Variants in CPT1C observed in about 807,000 individuals in gnomAD.
CPT1C encodes the protein palmitoyl thioesterase CPT1C.
In CPT1C, 61 loss-of-function variants were observed where a neutral mutation model predicts 97.3. The observed-to-expected ratio is 0.63, with a 90% confidence interval of 0.51 to 0.78. CPT1C has a LOEUF of 0.78. CPT1C is among the 30% of genes least tolerant of loss of function. CPT1C has a pLI of 0.00. For missense variants in CPT1C, 975 were observed against 1,065.5 expected, an observed-to-expected ratio of 0.92 and a Z score of 1.18; for synonymous variants, 469 against 447.2, an observed-to-expected ratio of 1.05 and a Z score of -0.61.
rs1414936264 is a variant in CPT1C at position 49,700,952 on chromosome 19, C to T, written c.453+97C>T. 3.0e-6 allele frequency: 4 copies of T among 1,332,414 alleles called. No homozygotes were observed. The Admixed American group carries it at 7.1e-5, about 24-fold the overall frequency. 82.5% of individuals were successfully genotyped at this position (1,332,414 alleles called of 1,614,324 possible). ...TGTCCCCCTCTCTCTGGGTCTCTGT[C>T]CCTCTCTCTCTGGGTCTCTTCCCCC... On this transcript the variant is annotated intron_variant, in intron 5 of 19. Coordinates refer to ENST00000598293, the MANE Select transcript of CPT1C (RefSeq NM_001199753.2).
intron 3 of CPT1C, chr19:49,696,636 CT>C (rs113941003): frequency 0.36 from 49,717 of 136,522 alleles, 10,836 homozygotes; most frequent in African/African-American, 0.65. Flanking sequence ...TTTTTTCTTT[CT>C]TTTTTTTTTT....
intron 3 of CPT1C, among the ~76,000 whole-genome samples, chr19:49,693,541 ATTG>A (rs2082469280): frequency 6.6e-6 from 1 of 152,104 alleles, no homozygotes; most frequent in African/African-American, 2.4e-5. Flanking sequence ...AGCTTCTGAT[ATTG>A]TTCTTCATTC....
chr19:49,712,673 G>C, intron 17 of CPT1C, 63 bp from the exon 18 acceptor site: 1 of 1,245,254 alleles, frequency 8.0e-7, no homozygotes, highest in Non-Finnish European at 1.2e-6. Context: ...AGGGAGTGAA[G>C]TGGAGCCAAG....
intron 3 of CPT1C, among the ~76,000 whole-genome samples, chr19:49,695,120 A>G (rs1345390210): frequency 3.3e-5 from 5 of 151,900 alleles, no homozygotes. Context: ...CAGCCTGGGC[A>G]ACAAAGCGAG....
chr19:49,710,319 G>C lies in CPT1C; in HGVS notation c.1567-1G>C. 6.2e-7 allele frequency: 1 copy of C among 1,613,672 alleles called. No homozygotes were observed. Among genetic ancestry groups the C allele is most frequent in the Non-Finnish European group, 8.5e-7 (1 of 1,179,674 alleles). On this transcript the variant is annotated splice_acceptor_variant, in intron 14 of 19. Transcript: ENST00000598293. LOFTEE classifies it high-confidence loss of function. ...ACTCCTCTTCCCTCCTCCTCTGGCA[G>C]ATCCACTCCTCCATCTCTCTAGCCC...
At chr19:49,702,833 G>C (rs564807068) in intron 7 of CPT1C, among the ~76,000 whole-genome samples, 4 of 151,732 alleles carry the variant, frequency 2.6e-5, no homozygotes, top group Non-Finnish European at 5.9e-5. Flanking sequence ...GGAAGCTACC[G>C]TGAGACCTAC....
chr19:49,707,331 C>T (rs187367863), intron 12 of CPT1C, among the ~76,000 whole-genome samples, 187 bp from the exon 13 acceptor site: 1 of 152,214 alleles, frequency 6.6e-6, no homozygotes, highest in East Asian at 1.9e-4. Flanking sequence ...CTCTAAATCC[C>T]AGACATGTCT....
chr19:49,712,063 CCGGGCA>C, intron 17 of CPT1C, 102 bp downstream of exon 17: 1 of 1,414,750 alleles, frequency 7.1e-7, no homozygotes, highest in Admixed American at 2.1e-5. Context: ...CCCATCAAGG[CCGGGCA>C]CGGTGGCTCA....
chr19:49,710,883 TCA>T (rs1358257381), intron 16 of CPT1C, 26 bp downstream of exon 16: 13 of 1,590,546 alleles, frequency 8.2e-6, no homozygotes, highest in Non-Finnish European at 1.1e-5. Context: ...GCTTGAGGCT[TCA>T]GTTATTTCTG....
rs1352252878 is a variant in CPT1C at position 49,706,807 on chromosome 19, A to T, written c.1343+394A>T. On this transcript the variant is annotated intron_variant, in intron 12 of 19. Transcript: ENST00000598293. This position sits in a 1 kb window ranked among gnomAD's most constrained non-coding sequence, Gnocchi z 4.8. ...TCAGCCTCAGAACTTGAACCATTCA[A>T]TCCTCAGGCCTTAATGCAGGCACCC... Among the ~76,000 whole-genome samples, 1 of 151,832 alleles carries T rather than the reference A, an allele frequency of 6.6e-6. No homozygotes were observed. The highest frequency in any genetic ancestry group is 2.4e-5 in the African/African-American group (1 of 41,310).
Position 49,713,014 on chromosome 19 carries a change from G to GA in CPT1C, c.2177dup (p.Asp726GlufsTer27). 6.2e-7 allele frequency: 1 copy of GA among 1,614,064 alleles called. No homozygotes were observed. The highest frequency in any genetic ancestry group is 8.5e-7 in the Non-Finnish European group (1 of 1,179,992). On this transcript the variant is annotated frameshift_variant, in exon 19 of 20. Transcript: ENST00000598293. LOFTEE classifies it low-confidence loss of function (END_TRUNC). Reference sequence around the variant, plus strand: ...TGGTGTTTCTTATATCTTCATGGGGGATGGCATGATCACCTTCCACATCTC... The same window carrying GA: ...TGGTGTTTCTTATATCTTCATGGGGGAATGGCATGATCACCTTCCACATCTC...
rs1165823339 is a variant in CPT1C, at chr19:49,701,488, C to A, written c.556-9C>A. The stretch of plus-strand genomic sequence containing the variant: ...CCGGGGGCGTGACCTGCCCTCTTCT[C>A]CCCTTTAGTACCTGGAGTCGGTCCG... On this transcript the variant is annotated splice_polypyrimidine_tract_variant and intron_variant, in intron 6 of 19. Coordinates refer to ENST00000598293, the MANE Select transcript of CPT1C (RefSeq NM_001199753.2). The A allele has an allele frequency of 1.9e-6, 3 of 1,602,156 alleles. No homozygotes were observed. The highest frequency in any genetic ancestry group is 2.6e-6 in the Non-Finnish European group (3 of 1,171,366).
intron 8 of CPT1C, 43 bp from the exon 9 acceptor site, chr19:49,704,964 A>AG: frequency 6.5e-7 from 1 of 1,531,526 alleles, no homozygotes; most frequent in Non-Finnish European, 8.9e-7. Context: ...TCGGGGGCAA[A>AG]CCTGACCCTG....
At position 49,710,458 on chromosome 19, in the gene CPT1C, A is replaced by C. The variant is rs2083791656; in HGVS notation, c.1705A>C (p.Ile569Leu). The C allele has an allele frequency of 6.2e-7, 1 of 1,613,918 alleles. No homozygotes were observed. The highest frequency in any genetic ancestry group is 8.5e-7 in the Non-Finnish European group (1 of 1,180,030). ...CHLSSDSFIQ[I>L]ALQLAHFRDR... ...CCTCTCTTCAGACAGCTTCATCCAG[A>C]TCGCCTTGCAACTGGCCCACTTCCG... Residue 569 changes from isoleucine (I) to leucine (L), a missense_variant, in exon 15 of 20, where the codon ATC (isoleucine) becomes CTC (leucine). Coordinates refer to ENST00000598293, the MANE Select transcript of CPT1C (RefSeq NM_001199753.2).
Position 49,713,070 on chromosome 19 carries a change from A to G in CPT1C, c.2226+6A>G. Reference sequence around the variant, plus strand: ...AAAAATCAAGCACAAAAACGGTGAGACAAACGTGTATACCCACCAACTCCC... The same window carrying G: ...AAAAATCAAGCACAAAAACGGTGAGGCAAACGTGTATACCCACCAACTCCC... On this transcript the variant is annotated splice_donor_region_variant and intron_variant, in intron 19 of 19. Coordinates refer to ENST00000598293, the MANE Select transcript of CPT1C (RefSeq NM_001199753.2). 6.2e-7 allele frequency: 1 copy of G among 1,609,766 alleles called. No individual in the cohort carries two copies. Among genetic ancestry groups the G allele is most frequent in the South Asian group, 1.1e-5 (1 of 90,982 alleles).
chr19:49,713,095 C>T lies in CPT1C; in HGVS notation c.2226+31C>T, dbSNP rs1416258795. On this transcript the variant is annotated intron_variant, in intron 19 of 19. Transcript: ENST00000598293. The stretch of plus-strand genomic sequence containing the variant: ...ACAAACGTGTATACCCACCAACTCC[C>T]TCTTTCCTCAGGAACCAGGAGTCTG... 1.9e-6 allele frequency: 3 copies of T among 1,571,112 alleles called. No homozygotes were observed. In the African/African-American group the frequency reaches 4.1e-5, roughly 21 times the overall value.
rs1568525615 is a variant in CPT1C at position 49,703,595 on chromosome 19, C to CCTTCCTTCCTTCCTTCCTT, written c.694-1114_694-1113insTTCCTTCCTTCCTTCCTTC. Among the ~76,000 whole-genome samples the CCTTCCTTCCTTCCTTCCTT allele has an allele frequency of 4.6e-3, 347 of 75,834 alleles. 17 individuals carry two copies. Among genetic ancestry groups the CCTTCCTTCCTTCCTTCCTT allele is most frequent in the Middle Eastern group, 0.016 (2 of 122 alleles). 49.8% of individuals were successfully genotyped at this position (75,834 alleles called of 152,430 possible). A position where few individuals can be genotyped will look rare whatever the true frequency, so the allele number is the denominator to read the frequency against. On this transcript the variant is annotated intron_variant, in intron 7 of 19. Transcript: ENST00000598293. ...TCCCTCCCTCCCTCCCTCCCTCCCT[C>CCTTCCTTCCTTCCTTCCTT]CCTTCCTTCCTTCCTTCCTTCCTTC...
At chr19:49,694,229 T>C (rs1324144957) in intron 3 of CPT1C, among the ~76,000 whole-genome samples, 1 of 151,662 alleles carries the variant, frequency 6.6e-6, no homozygotes, top group Non-Finnish European at 1.5e-5. Context: ...GAGCAAAATA[T>C]AGGGTATGGT....
chr19:49,699,752 C>T (rs532056695), intron 4 of CPT1C, among the ~76,000 whole-genome samples: 4 of 152,038 alleles, frequency 2.6e-5, no homozygotes, highest in Admixed American at 6.6e-5. Flanking sequence ...GTCAGGAGTT[C>T]GAGAGCCGCC....
Sources: allele counts gnomAD v4.1 joint callset (sites outside exome capture counted in the v4.1 genomes callset), GRCh38; gene constraint gnomAD v4.1.1; non-coding constraint Gnocchi (gnomAD v3.1); transcripts MANE v1.5; gene names NCBI Gene and HGNC (gene_info 2026-07-23, HGNC 2026-07-21).